GOLPH3L: variants seen among roughly 807,000 people sequenced by gnomAD.
The protein encoded by GOLPH3L is Golgi phosphoprotein 3-like.
A neutral mutation model predicts 30.3 loss-of-function variants in GOLPH3L; 22 were observed. The observed-to-expected ratio is 0.73, with a 90% CI of 0.52 to 1.04. The LOEUF is 1.04. Among genes scored for constraint, GOLPH3L ranks in the 50% least tolerant of loss-of-function variants. GOLPH3L has a pLI of 0.00. For missense variants in GOLPH3L, 303 were observed against 345.8 expected (o/e 0.88, Z 0.98); for synonymous variants, 120 against 128.2 (o/e 0.94, Z 0.43).
At chr1:150,683,699 CAAAAAAA>C (rs397981524) in intron 2 of GOLPH3L, among the ~76,000 whole-genome samples, 21 of 14,958 alleles carry the variant, frequency 1.4e-3, no homozygotes, top group African/African-American at 3.5e-3. Flanking sequence ...GACTCTCTCT[CAAAAAAA>C]AAAAAAAAAA....
At chr1:150,661,166 T>G (rs1650358445) in intron 4 of GOLPH3L, among the ~76,000 whole-genome samples, 1 of 152,122 alleles carries the variant, frequency 6.6e-6, no homozygotes, top group East Asian at 1.9e-4. Flanking sequence ...AGGCAGAGGT[T>G]GCAGTGAGCT....
chr1:150,648,395 G>C lies in GOLPH3L; in HGVS notation c.784C>G (p.Pro262Ala). 6.2e-7 allele frequency: 1 copy of C among 1,613,642 alleles called. No homozygotes were observed. Among genetic ancestry groups the C allele is most frequent in the Admixed American group, 1.7e-5 (1 of 59,990 alleles). Residue 262 changes from proline (P) to alanine (A), a missense_variant, in exon 5 of 5, where the codon CCT (proline) becomes GCT (alanine). Coordinates refer to ENST00000271732, the MANE Select transcript of GOLPH3L (RefSeq NM_018178.6). Reference protein sequence around the residue: ...NRAKDLVELDPEVEGTKPSAT... With the variant: ...NRAKDLVELDAEVEGTKPSAT... ...CTAGGCTTTGTCCCTTCCACTTCAG[G>C]GTCCAGTTCTACTAAGTCCTTGGCT...
intron 4 of GOLPH3L, among the ~76,000 whole-genome samples, chr1:150,651,657 A>G (rs1330740216): frequency 6.6e-6 from 1 of 151,282 alleles, no homozygotes; most frequent in Non-Finnish European, 1.5e-5. Flanking sequence ...AAAAAAAAAA[A>G]AAAAAAAGTA....
intron 2 of GOLPH3L, among the ~76,000 whole-genome samples, chr1:150,676,792 C>T (rs779508098): frequency 2.0e-5 from 3 of 149,800 alleles, no homozygotes; most frequent in African/African-American, 4.9e-5. Context: ...TACAGCCACC[C>T]GCCACCAAGC....
chr1:150,672,221 C>A (rs915651403), intron 2 of GOLPH3L, among the ~76,000 whole-genome samples: 1 of 152,104 alleles, frequency 6.6e-6, no homozygotes, highest in South Asian at 2.1e-4. Context: ...CAGGGGTTAT[C>A]AAAAATTCTA....
At chr1:150,687,757 C>T (rs587644967) in intron 2 of GOLPH3L, among the ~76,000 whole-genome samples, 14 of 152,100 alleles carry the variant, frequency 9.2e-5, no homozygotes, top group African/African-American at 2.7e-4. Flanking sequence ...GAATTTCATA[C>T]GTATAATTCC....
At chr1:150,671,623 T>A (rs587665770) in intron 2 of GOLPH3L, among the ~76,000 whole-genome samples, 40 of 152,074 alleles carry the variant, frequency 2.6e-4, no homozygotes, top group Admixed American at 7.9e-4. Context: ...CTGGCCAACA[T>A]GGTGAAACAC....
chr1:150,671,311 T>C (rs1650638827), intron 2 of GOLPH3L, among the ~76,000 whole-genome samples: 1 of 151,218 alleles, frequency 6.6e-6, no homozygotes, highest in Non-Finnish European at 1.5e-5. Flanking sequence ...TAGAAGAAAA[T>C]TCTGGGTCAA....
intron 2 of GOLPH3L, among the ~76,000 whole-genome samples, chr1:150,690,106 T>A (rs1192817191): frequency 6.6e-6 from 1 of 151,842 alleles, no homozygotes; most frequent in Non-Finnish European, 1.5e-5. Flanking sequence ...CTCGCCTCAA[T>A]CTCCCAAGTA....
chr1:150,666,944 T>G lies in GOLPH3L; in HGVS notation c.184-3181A>C, dbSNP rs145026225. ...TGATCTTTGATTAAGAGGTTCACGT[T>G]TAACGTTTTGTGAATTTACGAGATT... On this transcript the variant is annotated intron_variant, in intron 2 of 4. Transcript: ENST00000271732. Among the ~76,000 whole-genome samples, 199 of 152,278 alleles carry G rather than the reference T, an allele frequency of 1.3e-3. 1 individual carries two copies. The highest frequency in any genetic ancestry group is 0.01 in the South Asian group (49 of 4,824).
At chr1:150,682,574 G>A (rs1650979383) in intron 2 of GOLPH3L, among the ~76,000 whole-genome samples, 1 of 136,030 alleles carries the variant, frequency 7.4e-6, no homozygotes, top group Non-Finnish European at 1.5e-5. Context: ...AGGCTTCAGT[G>A]AGCCCTGATA....
In GOLPH3L at chr1:150,678,027, C is replaced by T. The variant is rs183058177; in HGVS notation, c.184-14264G>A. ...TTTTAAAGAGAAATGTGGCTGGGCA[C>T]GGTGGCTCATGCCTGTAATCCCAGC... On this transcript the variant is annotated intron_variant, in intron 2 of 4. Coordinates refer to ENST00000271732, the MANE Select transcript of GOLPH3L (RefSeq NM_018178.6). Among the ~76,000 whole-genome samples the T allele has an allele frequency of 3.8e-3, 582 of 151,470 alleles. 8 individuals carry two copies. In the East Asian group the frequency reaches 0.045, roughly 12 times the overall value.
At chr1:150,655,231 C>T (rs986176992) in intron 4 of GOLPH3L, among the ~76,000 whole-genome samples, 1 of 152,138 alleles carries the variant, frequency 6.6e-6, no homozygotes, top group African/African-American at 2.4e-5. Context: ...TGGCCGTCTG[C>T]GTGGCCAATT....
intron 4 of GOLPH3L, among the ~76,000 whole-genome samples, chr1:150,658,344 T>C (rs941256235): frequency 4.6e-5 from 7 of 152,260 alleles, no homozygotes; most frequent in Non-Finnish European, 1.0e-4. Context: ...TTGCTGTGCG[T>C]ATTCCTTCAA....
intron 2 of GOLPH3L, among the ~76,000 whole-genome samples, chr1:150,671,972 A>T (rs1650656251): frequency 6.6e-6 from 1 of 152,130 alleles, no homozygotes; most frequent in South Asian, 2.1e-4. Context: ...TATTACAATG[A>T]TATAAAATAA....
In GOLPH3L at chr1:150,661,929, CT is replaced by C; in HGVS notation, c.316-2del. The C allele has an allele frequency of 7.2e-7, 1 of 1,389,638 alleles. No individual in the cohort carries two copies. The highest frequency in any genetic ancestry group is 1.0e-6 in the Non-Finnish European group (1 of 975,446). 86.1% of individuals were successfully genotyped at this position (1,389,638 alleles called of 1,614,324 possible). A position where few individuals can be genotyped will look rare whatever the true frequency, so the allele number is the denominator to read the frequency against. Reference sequence around the variant, plus strand: ...TTGGGCTGTCTGACTTTAGCAGTACCTTTGAGAAAAGGAGAAAGAAGGAACC... The same window carrying C: ...TTGGGCTGTCTGACTTTAGCAGTACCTTGAGAAAAGGAGAAAGAAGGAACC... On this transcript the variant is annotated splice_acceptor_variant, in intron 3 of 4. Transcript: ENST00000271732. LOFTEE classifies it high-confidence loss of function.
chr1:150,658,126 G>A (rs991334080), intron 4 of GOLPH3L, among the ~76,000 whole-genome samples: 2 of 152,190 alleles, frequency 1.3e-5, no homozygotes, highest in East Asian at 1.9e-4. Context: ...GAGATTCCGG[G>A]AGGATCCCGA....
At position 150,693,838 on chromosome 1, in the gene GOLPH3L, T is replaced by TAC. The variant is rs1194186639; in HGVS notation, c.183+817_183+818insGT. On this transcript the variant is annotated intron_variant, in intron 2 of 4. Coordinates refer to ENST00000271732, the MANE Select transcript of GOLPH3L (RefSeq NM_018178.6). ...GTGTGTGTATATATATATATATATA[T>TAC]ATATATATATTTTTTTTTTTTTTTT... 2.6e-3 allele frequency among the ~76,000 whole-genome samples: 225 copies of TAC among 87,354 alleles called. 1 individual carries two copies. Among genetic ancestry groups the TAC allele is most frequent in the South Asian group, 5.9e-3 (14 of 2,368 alleles). 57.3% of individuals were successfully genotyped at this position (87,354 alleles called of 152,430 possible). A position where few individuals can be genotyped will look rare whatever the true frequency, so the allele number is the denominator to read the frequency against.
At chr1:150,671,690 A>C (rs587727346) in intron 2 of GOLPH3L, among the ~76,000 whole-genome samples, 58 of 151,488 alleles carry the variant, frequency 3.8e-4, no homozygotes, top group African/African-American at 1.4e-3. Flanking sequence ...CTGTAATCCC[A>C]GCTATTCGGG....
Sources: allele counts gnomAD v4.1 joint callset (sites outside exome capture counted in the v4.1 genomes callset), GRCh38; gene constraint gnomAD v4.1.1; transcripts MANE v1.5; gene names NCBI Gene and HGNC (gene_info 2026-07-23, HGNC 2026-07-21).